STK36: variants seen among roughly 807,000 people sequenced by gnomAD.
STK36 encodes serine/threonine kinase 36, also known as serine/threonine-protein kinase 36.
A neutral mutation model predicts 142.2 loss-of-function variants in STK36; 116 were observed. That is an observed-to-expected ratio of 0.82 (90% CI 0.70 to 0.95). The LOEUF is 0.95. Ranked by LOEUF, STK36 falls within the 40% of genes least tolerant of loss-of-function variation. The pLI, the probability that STK36 is intolerant of heterozygous loss-of-function variation, is 0.00. For synonymous variants in STK36, 619 were observed against 641.7 expected, an observed-to-expected ratio of 0.96 and a Z score of 0.53; for missense variants, 1,422 against 1,617.2, an observed-to-expected ratio of 0.88 and a Z score of 2.07.
chr2:218,678,268 A>T (rs1441953468), intron 6 of STK36, among the ~76,000 whole-genome samples: 1 of 152,148 alleles, frequency 6.6e-6, no homozygotes, highest in Admixed American at 6.5e-5. Context: ...TTTTTTATGT[A>T]GGGCAAGATT....
chr2:218,702,466 T>G lies in STK36; in HGVS notation c.*457T>G, dbSNP rs1941475278. ...TGTGGGGATCAATGCCATCAGTCCC[T>G]GTTATTGAGGGATTATCCCTTAGCC... On this transcript the variant is annotated 3_prime_UTR_variant, in exon 27 of 27. Coordinates refer to ENST00000295709, the MANE Select transcript of STK36 (RefSeq NM_015690.5). The G allele has an allele frequency of 6.4e-6, 1 of 155,416 alleles. No individual in the cohort carries two copies. Among genetic ancestry groups the G allele is most frequent in the Non-Finnish European group, 1.4e-5 (1 of 70,332 alleles). 9.6% of individuals were successfully genotyped at this position (155,416 alleles called of 1,614,324 possible).
Position 218,697,087 on chromosome 2 carries a change from A to G in STK36, c.2635A>G (p.Thr879Ala). ...IRDMSSSEMWTVLWHRFSMVL... is the reference protein window; with the variant it reads ...IRDMSSSEMWAVLWHRFSMVL... Reference sequence around the variant, plus strand: ...GGATATGTCCAGTTCAGAAATGTGGACCGTTTTGTGGCACCGCTTCTCCAT... The same window carrying G: ...GGATATGTCCAGTTCAGAAATGTGGGCCGTTTTGTGGCACCGCTTCTCCAT... Residue 879 changes from threonine to alanine, a missense_variant, in exon 23 of 27, where the codon ACC becomes GCC. Around this residue, in one of 2 missense-constraint regions of STK36, gnomAD observed 962 missense variants for 1,167.5 expected, o/e 0.82. Coordinates refer to ENST00000295709, the MANE Select transcript of STK36 (RefSeq NM_015690.5). 6.2e-7 allele frequency: 1 copy of G among 1,614,030 alleles called. No homozygotes were observed. The highest frequency in any genetic ancestry group is 1.7e-5 in the Admixed American group (1 of 60,006).
In STK36 at chr2:218,688,809, A is replaced by C. The variant is rs1940881603; in HGVS notation, c.1493A>C (p.Glu498Ala). The change falls in exon 12 of 27, where the codon GAG (glutamate) becomes GCG (alanine). Residue 498 changes from glutamate (E) to alanine (A), a missense_variant. Around this residue, in one of 2 missense-constraint regions of STK36, gnomAD observed 962 missense variants for 1,167.5 expected, o/e 0.82. Coordinates refer to ENST00000295709, the MANE Select transcript of STK36 (RefSeq NM_015690.5). ...DSVALYSFCREAGLPGLLLSL... is the reference protein window; with the variant it reads ...DSVALYSFCRAAGLPGLLLSL... ...GTTGCCTTGTATTCCTTCTGCCGGG[A>C]GGCAGGGCTTCCTGGGCTGCTGCTG... 6.2e-7 allele frequency: 1 copy of C among 1,613,848 alleles called. No individual in the cohort carries two copies. The highest frequency in any genetic ancestry group is 1.1e-5 in the South Asian group (1 of 91,070).
intron 4 of STK36, 130 bp downstream of exon 4, chr2:218,674,086 T>C: frequency 2.4e-6 from 2 of 845,896 alleles, no homozygotes; most frequent in Non-Finnish European, 3.6e-6. Context: ...AGTCTAGGTA[T>C]ATAGAGGCAG....
rs202105516 is a variant in STK36 at position 218,701,924 on chromosome 2, C to T, written c.3863C>T (p.Ser1288Leu). Residue 1288 changes from serine (S) to leucine (L), a missense_variant, in exon 27 of 27, where the codon TCA (serine) becomes TTA (leucine). Around this residue, in one of 2 missense-constraint regions of STK36, gnomAD observed 962 missense variants for 1,167.5 expected, o/e 0.82. Coordinates refer to ENST00000295709, the MANE Select transcript of STK36 (RefSeq NM_015690.5). ...TCCTTGCTCTCTCTGGGGAATCAGTCACTGCCACACAGCAGTCCTAGGCCT... is the reference window on the plus strand; with the variant it reads ...TCCTTGCTCTCTCTGGGGAATCAGTTACTGCCACACAGCAGTCCTAGGCCT... ...KLSLLSLGNQ[S>L]LPHSSPRPAS... 59 of 1,614,030 alleles carry T rather than the reference C, an allele frequency of 3.7e-5. No individual in the cohort carries two copies. The highest frequency in any genetic ancestry group is 4.8e-5 in the Non-Finnish European group (57 of 1,180,032).
rs1445205694 is a variant in STK36, at chr2:218,680,601, A to C, written c.1137-2A>C. 6.2e-7 allele frequency: 1 copy of C among 1,612,228 alleles called. No individual in the cohort carries two copies. Among genetic ancestry groups the C allele is most frequent in the Middle Eastern group, 1.7e-4 (1 of 6,060 alleles). The stretch of plus-strand genomic sequence containing the variant: ...GTTCTACCCCTTGGCTTCCTCCGGC[A>C]GGGAAAACCGGACCACCCCAGATTG... On this transcript the variant is annotated splice_acceptor_variant, in intron 9 of 26. Transcript: ENST00000295709. LOFTEE classifies it high-confidence loss of function.
chr2:218,693,789 T>C lies in STK36; in HGVS notation c.2215T>C (p.Leu739=), dbSNP rs541373202. 1.2e-6 allele frequency: 2 copies of C among 1,614,184 alleles called. No homozygotes were observed. Among genetic ancestry groups the C allele is most frequent in the African/African-American group, 2.7e-5 (2 of 75,064 alleles). The change falls in exon 18 of 27, where the codon TTG becomes CTG. Residue 739 remains leucine, a synonymous_variant. Coordinates refer to ENST00000295709, the MANE Select transcript of STK36 (RefSeq NM_015690.5). ...CRLLGQEPLA[L]ESLFMLIQGK... ...TCTTCTGGGGCAGGAGCCCCTGGCC[T>C]TGGAATCCCTGTTTATGTTGATTCA...
At chr2:218,698,140 A>G in intron 25 of STK36, 139 bp downstream of exon 25, 3 of 1,225,498 alleles carry the variant, frequency 2.4e-6, no homozygotes, top group Non-Finnish European at 3.4e-6. Context: ...GTTGGCGTGG[A>G]GACAGTACTC....
At chr2:218,698,458 T>G (rs1257344380) in intron 25 of STK36, 144 bp from the exon 26 acceptor site, 14 of 951,076 alleles carry the variant, frequency 1.5e-5, no homozygotes, top group Non-Finnish European at 2.1e-5. Context: ...TTGTGTCTCA[T>G]GTGGAGTGCT....
In STK36 at chr2:218,697,905, C is replaced by T; in HGVS notation, c.2961C>T (p.Leu987=). The T allele has an allele frequency of 2.5e-6, 4 of 1,614,168 alleles. 1 individual carries two copies. Among genetic ancestry groups the T allele is most frequent in the Non-Finnish European group, 3.4e-6 (4 of 1,180,034 alleles). Residue 987 remains leucine (L), a synonymous_variant, in exon 25 of 27, where the codon CTC becomes CTT. Coordinates refer to ENST00000295709, the MANE Select transcript of STK36 (RefSeq NM_015690.5). ...LPVVVLSVCQ[L]LCFPFALDMD... ...TCGTGGTGCTCTCTGTCTGCCAGCT[C>T]CTTTGCTTCCCCTTTGCGCTGGACA...
rs147857340 is a variant in STK36 at position 218,676,196 on chromosome 2, A to G, written c.602A>G (p.Tyr201Cys). 246 of 1,613,988 alleles carry G rather than the reference A, an allele frequency of 1.5e-4. No individual in the cohort carries two copies. Among genetic ancestry groups the G allele is most frequent in the Non-Finnish European group, 1.9e-4 (225 of 1,180,010 alleles). The change falls in exon 6 of 27, where the codon TAT (tyrosine) becomes TGT (cysteine). Residue 201 changes from tyrosine (Y) to cysteine (C), a missense_variant. Physicochemically the swap from Tyr to Cys is radical, Grantham distance 194. Coordinates refer to ENST00000295709, the MANE Select transcript of STK36 (RefSeq NM_015690.5). ...CTGGCAGTAGGCACCCCTCCCTTCTATGCTACAAGCATCTTTCAGCTGGTC... is the reference window on the plus strand; with the variant it reads ...CTGGCAGTAGGCACCCCTCCCTTCTGTGCTACAAGCATCTTTCAGCTGGTC... ...YELAVGTPPF[Y>C]ATSIFQLVSL...
At chr2:218,679,852 T>G in intron 8 of STK36, 41 bp from the exon 9 acceptor site, 1 of 1,606,138 alleles carries the variant, frequency 6.2e-7, no homozygotes, top group Non-Finnish European at 8.5e-7. Context: ...CCTATAGCAA[T>G]CAAATAGCTC....
In STK36 at chr2:218,690,042, G is replaced by C. The variant is rs1045612785; in HGVS notation, c.1658+86G>C. On this transcript the variant is annotated intron_variant, in intron 13 of 26. Transcript: ENST00000295709. ...CCCTTCCCATTTAGGAACAGGCCAAGTATGAAGAAGCTGTGATTTGTTACA... is the reference window on the plus strand; with the variant it reads ...CCCTTCCCATTTAGGAACAGGCCAACTATGAAGAAGCTGTGATTTGTTACA... 6.2e-5 allele frequency: 76 copies of C among 1,229,468 alleles called. No homozygotes were observed. In the Middle Eastern group the frequency reaches 9.7e-4, roughly 16 times the overall value. The allele number at this position is 1,229,468 out of a possible 1,614,324, so 76.2% of individuals were successfully genotyped here. A position where few individuals can be genotyped will look rare whatever the true frequency, so the allele number is the denominator to read the frequency against.
At chr2:218,682,743 G>A (rs1940583244) in intron 10 of STK36, among the ~76,000 whole-genome samples, 1 of 152,076 alleles carries the variant, frequency 6.6e-6, no homozygotes, top group Non-Finnish European at 1.5e-5. Context: ...ACAGGCACCT[G>A]CCACCATGCC....
At chr2:218,681,578 C>T (rs545121427) in intron 10 of STK36, among the ~76,000 whole-genome samples, 26 of 152,068 alleles carry the variant, frequency 1.7e-4, no homozygotes, top group South Asian at 6.2e-4. Flanking sequence ...ATAGCTAAGA[C>T]GGTAATTTAT....
rs756308453 is a variant in STK36, at chr2:218,698,686, C to G, written c.3142C>G (p.Leu1048Val). 1 of 1,614,224 alleles carries G rather than the reference C, an allele frequency of 6.2e-7. No homozygotes were observed. The highest frequency in any genetic ancestry group is 1.7e-5 in the Admixed American group (1 of 60,020). ...TRLALMDPTS[L>V]NQFVNTVSAS... ...CCTGGCCCTCATGGATCCCACCTCT[C>G]TCAACCAGTTTGTGAACACAGTGTC... Residue 1048 changes from leucine (L) to valine (V), a missense_variant, in exon 26 of 27, where the codon CTC becomes GTC. Around this residue, in one of 2 missense-constraint regions of STK36, gnomAD observed 962 missense variants for 1,167.5 expected, o/e 0.82. Transcript: ENST00000295709.
chr2:218,693,449 T>A (rs896730235), intron 17 of STK36, 105 bp downstream of exon 17: 1 of 1,137,130 alleles, frequency 8.8e-7, no homozygotes. Context: ...AGAGAGAGAC[T>A]GAGAGAGACC....
chr2:218,694,069 A>C lies in STK36; in HGVS notation c.2336+86A>C, dbSNP rs1235508862. ...AAGAGTATGGGGAATGGTACCCTACAGCATATCCTTAGGAGGAATTGGGAT... is the reference window on the plus strand; with the variant it reads ...AAGAGTATGGGGAATGGTACCCTACCGCATATCCTTAGGAGGAATTGGGAT... On this transcript the variant is annotated intron_variant, in intron 19 of 26. Transcript: ENST00000295709. This position sits in a 1 kb window ranked among gnomAD's most constrained non-coding sequence, Gnocchi z 4.4. 2 of 1,378,758 alleles carry C rather than the reference A, an allele frequency of 1.5e-6. No homozygotes were observed. Among genetic ancestry groups the C allele is most frequent in the African/African-American group, 2.9e-5 (2 of 70,092 alleles). The allele number at this position is 1,378,758 out of a possible 1,614,324, so 85.4% of individuals were successfully genotyped here. A position where few individuals can be genotyped will look rare whatever the true frequency, so the allele number is the denominator to read the frequency against.
At chr2:218,677,397 C>T (rs1180652803) in intron 6 of STK36, among the ~76,000 whole-genome samples, 1 of 152,158 alleles carries the variant, frequency 6.6e-6, no homozygotes, top group Non-Finnish European at 1.5e-5. Context: ...GACACAAATC[C>T]AAACCATATC....
Sources: allele counts gnomAD v4.1 joint callset (sites outside exome capture counted in the v4.1 genomes callset), GRCh38; gene constraint gnomAD v4.1.1; regional missense constraint gnomAD v4.1.1; non-coding constraint Gnocchi (gnomAD v3.1); transcripts MANE v1.5; gene names NCBI Gene and HGNC (gene_info 2026-07-23, HGNC 2026-07-21).